The following ZHX3 variants were observed in gnomAD, a reference collection of about 807,000 sequenced individuals.
ZHX3 encodes zinc fingers and homeoboxes 3.
ZHX3 carries 20 observed loss-of-function variants against 64.5 expected under a neutral mutation model. The ratio of observed to expected loss-of-function variants is 0.31; its 90% CI spans 0.22 to 0.45. ZHX3 has a LOEUF of 0.45. Among genes scored for constraint, ZHX3 ranks in the 20% least tolerant of loss-of-function variants. The pLI, the probability that ZHX3 is intolerant of heterozygous loss-of-function variation, is 1.00. For synonymous variants in ZHX3, 423 were observed against 461.6 expected, an observed-to-expected ratio of 0.92 and a Z score of 1.07; for missense variants, 1,041 against 1,195.8, an observed-to-expected ratio of 0.87 and a Z score of 1.91.
At chr20:41,265,453 C>T (rs1321643091) in intron 2 of ZHX3, among the ~76,000 whole-genome samples, 2 of 152,118 alleles carry the variant, frequency 1.3e-5, no homozygotes, top group Non-Finnish European at 2.9e-5. Context: ...CCTCCTACCT[C>T]GGCCTCCCAA....
At chr20:41,271,619 C>CTG (rs1230659603) in intron 1 of ZHX3, among the ~76,000 whole-genome samples, 3 of 152,114 alleles carry the variant, frequency 2.0e-5, no homozygotes, top group African/African-American at 7.2e-5. Flanking sequence ...ACAGCACTGA[C>CTG]TGTGGGCCAG....
intron 1 of ZHX3, among the ~76,000 whole-genome samples, chr20:41,282,160 T>C (rs1220734332): frequency 6.6e-6 from 1 of 152,104 alleles, no homozygotes; most frequent in Admixed American, 6.5e-5. Flanking sequence ...GTCAAAAAAA[T>C]ATTAAGTACC....
At chr20:41,227,751 T>C (rs1444769553) in intron 2 of ZHX3, among the ~76,000 whole-genome samples, 1 of 152,220 alleles carries the variant, frequency 6.6e-6, no homozygotes, top group South Asian at 2.1e-4. Flanking sequence ...ACTGCTTTAA[T>C]GTTACATATT....
intron 2 of ZHX3, among the ~76,000 whole-genome samples, chr20:41,250,705 A>G (rs886738620): frequency 3.9e-5 from 6 of 152,238 alleles, no homozygotes; most frequent in African/African-American, 1.4e-4. Context: ...ACATATCCCA[A>G]ATAGGATAAA....
intron 1 of ZHX3, among the ~76,000 whole-genome samples, chr20:41,279,173 G>A (rs2043543117): frequency 6.6e-6 from 1 of 152,182 alleles, no homozygotes; most frequent in Non-Finnish European, 1.5e-5. Flanking sequence ...GGGTCAACGA[G>A]TATGAAAGTT....
At chr20:41,249,350 T>C (rs2041874071) in intron 2 of ZHX3, among the ~76,000 whole-genome samples, 1 of 152,106 alleles carries the variant, frequency 6.6e-6, no homozygotes, top group Non-Finnish European at 1.5e-5. Flanking sequence ...ACCAAAAGGA[T>C]AGGTCAAGAA....
At chr20:41,307,959 T>C (rs942334379) in intron 1 of ZHX3, among the ~76,000 whole-genome samples, 7 of 152,164 alleles carry the variant, frequency 4.6e-5, no homozygotes, top group Non-Finnish European at 1.0e-4. Context: ...TCAACTAAGG[T>C]ACCTAGTTCA....
chr20:41,214,217 T>A (rs1198719379), intron 2 of ZHX3, among the ~76,000 whole-genome samples: 17 of 152,218 alleles, frequency 1.1e-4, no homozygotes, highest in Non-Finnish European at 4.4e-5. Context: ...GTGGCAGCAG[T>A]GGCAGCCACA....
rs564101661 is a variant in ZHX3 at position 41,185,549 on chromosome 20, G to A, written c.2861-348C>T. ...CGTCTCTGGAGTCCTGTCCTAAAAT[G>A]CTTCATCCTGCCCTCTCCTTCCAGG... On this transcript the variant is annotated intron_variant, in intron 3 of 3. Transcript: ENST00000683867. The surrounding 1 kb of genome is among the most constrained non-coding windows in gnomAD (Gnocchi z 5.0). The A allele has an allele frequency of 8.9e-6, 4 of 449,470 alleles. No individual in the cohort carries two copies. In the Admixed American group the frequency reaches 1.6e-4, roughly 18 times the overall value. 27.8% of individuals were successfully genotyped at this position (449,470 alleles called of 1,614,324 possible).
In ZHX3 at chr20:41,212,499, A is replaced by G. The variant is rs572044537; in HGVS notation, c.-150-7433T>C. ...ACAAAATGTTAAATATAGAGTTGCC[A>G]TAAGATCCAGCAATTTGGCCGGGCG... On this transcript the variant is annotated intron_variant, in intron 2 of 3. Coordinates refer to ENST00000683867, the MANE Select transcript of ZHX3 (RefSeq NM_001384317.1). The surrounding 1 kb of genome is among the most constrained non-coding windows in gnomAD (Gnocchi z 4.3). Among the ~76,000 whole-genome samples the G allele has an allele frequency of 6.6e-6, 1 of 152,302 alleles. No individual in the cohort carries two copies. Among genetic ancestry groups the G allele is most frequent in the African/African-American group, 2.4e-5 (1 of 41,566 alleles).
chr20:41,266,174 T>C (rs1208648193), intron 2 of ZHX3, among the ~76,000 whole-genome samples: 1 of 152,170 alleles, frequency 6.6e-6, no homozygotes, highest in African/African-American at 2.4e-5. Context: ...GAAAGATTAA[T>C]TTTAAAAGAC....
rs980469209 is a variant in ZHX3 at position 41,200,407 on chromosome 20, C to G, written c.2860+1650G>C. Among the ~76,000 whole-genome samples the G allele has an allele frequency of 6.6e-6, 1 of 152,200 alleles. No individual in the cohort carries two copies. The highest frequency in any genetic ancestry group is 1.5e-5 in the Non-Finnish European group (1 of 68,040). The stretch of plus-strand genomic sequence containing the variant: ...GAGCTGGGTATAATATAAGGACCAA[C>G]TTACAAACTTGGACAAAGACTTGTA... On this transcript the variant is annotated intron_variant, in intron 3 of 3. Coordinates refer to ENST00000683867, the MANE Select transcript of ZHX3 (RefSeq NM_001384317.1). The surrounding 1 kb of genome is among the most constrained non-coding windows in gnomAD (Gnocchi z 4.2).
rs2146100204 is a variant in ZHX3, at chr20:41,185,478, T to C, written c.2861-277A>G. 1.8e-6 allele frequency: 1 copy of C among 549,370 alleles called. No individual in the cohort carries two copies. Among genetic ancestry groups the C allele is most frequent in the African/African-American group, 1.9e-5 (1 of 53,168 alleles). The allele number at this position is 549,370 out of a possible 1,614,324, so 34.0% of individuals were successfully genotyped here. A position where few individuals can be genotyped will look rare whatever the true frequency, so the allele number is the denominator to read the frequency against. ...GCAGCAGGAGCAGTGGTTTGGCCTCTCCAGGCCCACTAAATCCCCCTAGCT... is the reference window on the plus strand; with the variant it reads ...GCAGCAGGAGCAGTGGTTTGGCCTCCCCAGGCCCACTAAATCCCCCTAGCT... On this transcript the variant is annotated intron_variant, in intron 3 of 3. Coordinates refer to ENST00000683867, the MANE Select transcript of ZHX3 (RefSeq NM_001384317.1). This position sits in a 1 kb window ranked among gnomAD's most constrained non-coding sequence, Gnocchi z 5.0.
chr20:41,218,271 C>G (rs951780735), intron 2 of ZHX3, among the ~76,000 whole-genome samples: 2 of 152,116 alleles, frequency 1.3e-5, no homozygotes, highest in African/African-American at 2.4e-5. Context: ...TAAGGAGACT[C>G]CGTCTCTACA....
intron 1 of ZHX3, among the ~76,000 whole-genome samples, chr20:41,280,682 G>T (rs760552726): frequency 6.6e-6 from 1 of 152,024 alleles, no homozygotes; most frequent in Non-Finnish European, 1.5e-5. Flanking sequence ...CTCCCAAAGC[G>T]CTGGGATTAT....
At chr20:41,282,251 C>A (rs1247510811) in intron 1 of ZHX3, among the ~76,000 whole-genome samples, 1 of 151,980 alleles carries the variant, frequency 6.6e-6, no homozygotes, top group African/African-American at 2.4e-5. Flanking sequence ...AAGGCAATCA[C>A]TTAACTTCTC....
chr20:41,302,053 CAAAAAAAAAAAAAAAA>C (rs555883542), intron 1 of ZHX3, among the ~76,000 whole-genome samples: 7 of 62,378 alleles, frequency 1.1e-4, no homozygotes, highest in Non-Finnish European at 2.2e-4. Context: ...GACTCCATCT[CAAAAAAAAAAAAAAAA>C]AAAAAAAAAA....
intron 2 of ZHX3, among the ~76,000 whole-genome samples, chr20:41,222,907 A>T (rs775402477): frequency 5.1e-5 from 3 of 59,386 alleles, no homozygotes; most frequent in Non-Finnish European, 9.8e-5. Context: ...AACATTTGTT[A>T]AAAAAAAAAA....
chr20:41,317,616 G>GCGGCGGCGGCGA lies in ZHX3; in HGVS notation c.-364_-353dup, dbSNP rs1416603138. Reference sequence around the variant, plus strand: ...GGCCGGCGCAGGCCCCGCAGAGGCGGCGGCGGCGGCGACGCCGGAGCCGCG... The same window carrying GCGGCGGCGGCGA: ...GGCCGGCGCAGGCCCCGCAGAGGCGGCGGCGGCGGCGACGGCGGCGGCGACGCCGGAGCCGCG... On this transcript the variant is annotated 5_prime_UTR_variant, in exon 1 of 4. Transcript: ENST00000683867. The GCGGCGGCGGCGA allele has an allele frequency of 1.3e-5, 2 of 148,690 alleles. No homozygotes were observed. Among genetic ancestry groups the GCGGCGGCGGCGA allele is most frequent in the African/African-American group, 4.9e-5 (2 of 41,058 alleles). The allele number at this position is 148,690 out of a possible 1,614,324, so 9.2% of individuals were successfully genotyped here. A position where few individuals can be genotyped will look rare whatever the true frequency, so the allele number is the denominator to read the frequency against.
Sources: gnomAD v4.1 joint callset for allele counts (sites outside exome capture counted in the v4.1 genomes callset) on GRCh38, gnomAD v4.1.1 for gene constraint, Gnocchi (gnomAD v3.1) non-coding constraint, MANE v1.5 for transcripts, NCBI Gene and HGNC (gene_info 2026-07-23, HGNC 2026-07-21) for gene names.